The following PATJ variants were observed in gnomAD, a reference collection of about 807,000 sequenced individuals.
The protein encoded by PATJ is inaD-like protein.
In PATJ, 190 loss-of-function variants were observed where a neutral mutation model predicts 224.9. The ratio of observed to expected loss-of-function variants is 0.84; its 90% CI spans 0.75 to 0.95. The LOEUF is 0.95. Ranked by LOEUF, PATJ falls within the 40% of genes least tolerant of loss-of-function variation. The pLI is 0.00. For synonymous variants in PATJ, 769 were observed against 820.3 expected (o/e 0.94, Z 1.07); for missense variants, 2,121 against 2,270.3 (o/e 0.93, Z 1.34).
intron 14 of PATJ, among the ~76,000 whole-genome samples, chr1:61,819,287 A>T: frequency 6.6e-6 from 1 of 152,166 alleles, no homozygotes; most frequent in East Asian, 1.9e-4. Context: ...TTTTTCACAC[A>T]ACGGTCACAC....
chr1:61,957,857 A>G (rs1034859050), intron 27 of PATJ, among the ~76,000 whole-genome samples: 1 of 152,204 alleles, frequency 6.6e-6, no homozygotes, highest in East Asian at 1.9e-4. Flanking sequence ...GTTCAAGGTC[A>G]GATCTTACCT....
chr1:62,087,238 G>A (rs1298741016), intron 33 of PATJ, among the ~76,000 whole-genome samples: 1 of 151,948 alleles, frequency 6.6e-6, no homozygotes, highest in East Asian at 1.9e-4. Context: ...AGTCTTCCCT[G>A]AAGTCCAGCT....
At chr1:61,992,642 T>C (rs913604935) in intron 28 of PATJ, among the ~76,000 whole-genome samples, 1 of 152,202 alleles carries the variant, frequency 6.6e-6, no homozygotes, top group Non-Finnish European at 1.5e-5. Flanking sequence ...AGACTCAAGA[T>C]GGAATGTCCT....
At chr1:61,952,617 T>C (rs1206344739) in intron 27 of PATJ, among the ~76,000 whole-genome samples, 1 of 152,248 alleles carries the variant, frequency 6.6e-6, no homozygotes, top group Non-Finnish European at 1.5e-5. Context: ...TCATGTGCAC[T>C]GTAGTTTGAA....
At chr1:62,124,528 A>G (rs763678049) in intron 39 of PATJ, among the ~76,000 whole-genome samples, 27 of 152,208 alleles carry the variant, frequency 1.8e-4, no homozygotes, top group Admixed American at 2.6e-4. Flanking sequence ...CCTCTGTTTG[A>G]AGGCATTCTA....
intron 41 of PATJ, among the ~76,000 whole-genome samples, chr1:62,143,900 C>G (rs993813465): frequency 2.6e-5 from 4 of 152,004 alleles, no homozygotes; most frequent in African/African-American, 9.7e-5. Context: ...CAGGCCCCTG[C>G]AGAAGGAAAG....
intron 18 of PATJ, 79 bp downstream of exon 18, chr1:61,856,318 C>A: frequency 8.6e-7 from 1 of 1,157,348 alleles, no homozygotes; most frequent in Non-Finnish European, 1.3e-6. Flanking sequence ...ACACATATAC[C>A]TGGCCAAGAA....
At chr1:62,118,664 C>G (rs1326713626) in intron 37 of PATJ, among the ~76,000 whole-genome samples, 1 of 152,156 alleles carries the variant, frequency 6.6e-6, no homozygotes, top group East Asian at 1.9e-4. Context: ...GAGTCCCACT[C>G]TGTTGCCCAG....
At chr1:62,057,359 G>A (rs570202270) in intron 31 of PATJ, among the ~76,000 whole-genome samples, 1 of 152,294 alleles carries the variant, frequency 6.6e-6, no homozygotes, top group South Asian at 2.1e-4. Flanking sequence ...TTGGTGAGAT[G>A]GAAGCGAAAT....
In PATJ at chr1:61,801,265, T is replaced by C. The variant is rs568926479; in HGVS notation, c.1403-358T>C. On this transcript the variant is annotated intron_variant, in intron 11 of 43. Transcript: ENST00000642238. ...TGTTGTTTCCTGACTTTTTAATGAT[T>C]GCCATTCTAACTGGTGTGAGATGGT... 2.7e-3 allele frequency among the ~76,000 whole-genome samples: 409 copies of C among 152,332 alleles called. 3 individuals carry two copies. The highest frequency in any genetic ancestry group is 9.4e-3 in the African/African-American group (389 of 41,576).
intron 8 of PATJ, among the ~76,000 whole-genome samples, chr1:61,788,686 G>A (rs1246050105): frequency 6.6e-6 from 1 of 151,846 alleles, no homozygotes; most frequent in Non-Finnish European, 1.5e-5. Flanking sequence ...GTTTTGTTTT[G>A]TTTTTGAGAT....
At chr1:62,073,397 C>T (rs962761218) in intron 31 of PATJ, 1 of 858,618 alleles carries the variant, frequency 1.2e-6, no homozygotes, top group Non-Finnish European at 1.4e-6. Context: ...CCAAGGCAGG[C>T]AGATTGCTTG....
At chr1:61,899,732 A>G in intron 23 of PATJ, 78 bp downstream of exon 23, 1 of 930,438 alleles carries the variant, frequency 1.1e-6, no homozygotes, top group South Asian at 1.6e-5. Flanking sequence ...ACAGAACATT[A>G]TTTAGTCCTA....
chr1:61,964,165 T>C (rs972420187), intron 27 of PATJ, among the ~76,000 whole-genome samples: 9 of 151,262 alleles, frequency 5.9e-5, no homozygotes, highest in African/African-American at 2.2e-4. Context: ...CATTGTATCG[T>C]CTGCCTCCCA....
intron 27 of PATJ, among the ~76,000 whole-genome samples, chr1:61,954,755 G>T (rs2151125): frequency 0.045 from 3,361 of 74,246 alleles, 159 homozygotes; most frequent in East Asian, 0.34. Flanking sequence ...AAACTCTATT[G>T]TTTTTTTTTT....
chr1:61,803,047 G>C lies in PATJ; in HGVS notation c.1549+1278G>C, dbSNP rs571343951. ...CAGTTTATCTTTGCAAATCTGAGTT[G>C]AGCTCAGATTTTCAGAAAAATGTCA... On this transcript the variant is annotated intron_variant, in intron 12 of 43. Transcript: ENST00000642238. Among the ~76,000 whole-genome samples, 8 of 152,236 alleles carry C rather than the reference G, an allele frequency of 5.3e-5. No homozygotes were observed. In the East Asian group the frequency reaches 1.4e-3, roughly 26 times the overall value.
At chr1:62,010,924 C>T (rs1048221056) in intron 28 of PATJ, among the ~76,000 whole-genome samples, 2 of 152,174 alleles carry the variant, frequency 1.3e-5, no homozygotes, top group Non-Finnish European at 2.9e-5. Context: ...TGCTGCTTCT[C>T]CTTGCATTTT....
chr1:61,905,815 C>G (rs1308132664), intron 24 of PATJ, among the ~76,000 whole-genome samples: 2 of 152,132 alleles, frequency 1.3e-5, no homozygotes, highest in African/African-American at 4.8e-5. Context: ...GGGGTTTACC[C>G]CCATACACTA....
intron 31 of PATJ, chr1:62,054,244 T>G (rs1654158243): frequency 3.9e-6 from 1 of 257,902 alleles, no homozygotes; most frequent in South Asian, 4.0e-5. Flanking sequence ...GCACCTGTAG[T>G]CTCAGCTACT....
Sources: allele counts gnomAD v4.1 joint callset (sites outside exome capture counted in the v4.1 genomes callset), GRCh38; gene constraint gnomAD v4.1.1; transcripts MANE v1.5; gene names NCBI Gene and HGNC (gene_info 2026-07-23, HGNC 2026-07-21).